Variants in PEPD observed in about 807,000 individuals in gnomAD.
PEPD encodes xaa-Pro dipeptidase.
In PEPD, 53 loss-of-function variants were observed where a neutral mutation model predicts 60.7. That is an observed-to-expected ratio of 0.87 (90% confidence interval 0.70 to 1.10). The LOEUF (loss-of-function observed/expected upper bound fraction) is 1.10. PEPD is among the 50% of genes least tolerant of loss of function. The pLI is 0.00. For synonymous variants in PEPD, 267 were observed against 284.1 expected (o/e 0.94, Z 0.60); for missense variants, 711 against 711.9 (o/e 1.00, Z 0.01).
intron 9 of PEPD, among the ~76,000 whole-genome samples, chr19:33,415,146 G>A (rs759252399): frequency 3.9e-5 from 6 of 152,256 alleles, no homozygotes; most frequent in East Asian, 3.9e-4. Flanking sequence ...CCTGACCCAC[G>A]CCGTGGAACA....
chr19:33,512,601 A>C lies in PEPD; in HGVS notation c.193T>G (p.Phe65Val). The C allele has an allele frequency of 6.2e-7, 1 of 1,613,704 alleles. No individual in the cohort carries two copies. The highest frequency in any genetic ancestry group is 8.5e-7 in the Non-Finnish European group (1 of 1,179,924). The change falls in exon 2 of 15, where the codon TTC becomes GTC. Residue 65 changes from phenylalanine (F) to valine (V), a missense_variant. Phe to Val is a conservative substitution (Grantham distance 50, BLOSUM62 -1). Transcript: ENST00000244137. ...QRYCTDTGVL[F>V]RQESFFHWAF... ...CAAGCGGGGAGGCTCACCTGGCGGA[A>C]GAGGACCCCGGTGTCGGTGCAGTAG...
chr19:33,413,747 C>T (rs1221751465), intron 9 of PEPD, 104 bp from the exon 10 acceptor site: 4 of 721,156 alleles, frequency 5.5e-6, no homozygotes, highest in Non-Finnish European at 7.4e-6. Flanking sequence ...ATGGTCTCCC[C>T]TGCCGTGGCC....
intron 9 of PEPD, among the ~76,000 whole-genome samples, chr19:33,441,974 C>T (rs1221116092): frequency 1.3e-5 from 2 of 152,236 alleles, no homozygotes; most frequent in Non-Finnish European, 2.9e-5. Flanking sequence ...GCAGAGATCA[C>T]CATGGAAAAG....
chr19:33,441,711 G>A (rs1247023494), intron 9 of PEPD, among the ~76,000 whole-genome samples: 1 of 152,216 alleles, frequency 6.6e-6, no homozygotes, highest in Admixed American at 6.5e-5. Flanking sequence ...TTGACCCAGA[G>A]GTGGCTGGGG....
chr19:33,510,326 G>A (rs1339819552), intron 3 of PEPD, among the ~76,000 whole-genome samples: 2 of 151,990 alleles, frequency 1.3e-5, no homozygotes, highest in Non-Finnish European at 2.9e-5. Flanking sequence ...GGAGAAGACA[G>A]AAGGAAGAAG....
At chr19:33,508,672 A>T (rs552795639) in intron 3 of PEPD, among the ~76,000 whole-genome samples, 2 of 152,316 alleles carry the variant, frequency 1.3e-5, no homozygotes, top group East Asian at 3.9e-4. Flanking sequence ...TCCCAGGGCA[A>T]GTACCCCATG....
In PEPD at chr19:33,402,284, C is replaced by A. The variant is rs114889175; in HGVS notation, c.819-415G>T. ...GCCTGGCCTCCACCCGGCACCCCAACAGGCTCTCCCAGGTCTCCCTGCACC... is the reference window on the plus strand; with the variant it reads ...GCCTGGCCTCCACCCGGCACCCCAAAAGGCTCTCCCAGGTCTCCCTGCACC... On this transcript the variant is annotated intron_variant, in intron 11 of 14. Transcript: ENST00000244137. Among the ~76,000 whole-genome samples the A allele has an allele frequency of 8.3e-3, 1,262 of 152,336 alleles. 19 individuals are homozygous for A. The highest frequency in any genetic ancestry group is 0.029 in the African/African-American group (1,214 of 41,592).
chr19:33,434,379 G>A (rs1969335170), intron 9 of PEPD, among the ~76,000 whole-genome samples: 1 of 152,162 alleles, frequency 6.6e-6, no homozygotes, highest in Non-Finnish European at 1.5e-5. Context: ...GACGCTGCCA[G>A]CTGTGTAACG....
In PEPD at chr19:33,391,988, A is replaced by T. The variant is rs1968233998; in HGVS notation, c.968-509T>A. The stretch of plus-strand genomic sequence containing the variant: ...GTGCAGTGGGGAAGCCCGAGGCTGA[A>T]AAGAGGGGTCCCTGCACATCCCAGA... On this transcript the variant is annotated intron_variant, in intron 12 of 14. Transcript: ENST00000244137. Among the ~76,000 whole-genome samples the T allele has an allele frequency of 2.0e-5, 3 of 152,314 alleles. No homozygotes were observed. The South Asian group carries it at 6.2e-4, about 32-fold the overall frequency.
At chr19:33,438,958 G>C (rs1481513162) in intron 9 of PEPD, among the ~76,000 whole-genome samples, 3 of 152,224 alleles carry the variant, frequency 2.0e-5, no homozygotes, top group Non-Finnish European at 4.4e-5. Context: ...AAGCTCAAGT[G>C]ATCCACCTGC....
Position 33,500,978 on chromosome 19 carries a change from T to C in PEPD, c.353A>G (p.Lys118Arg). 3.1e-6 allele frequency: 5 copies of C among 1,603,716 alleles called. No individual in the cohort carries two copies. The highest frequency in any genetic ancestry group is 4.3e-6 in the Non-Finnish European group (5 of 1,170,608). The change falls in exon 4 of 15, where the codon AAG (lysine) becomes AGG (arginine). Residue 118 changes from lysine (K) to arginine (R), a missense_variant. By Grantham distance (26) the Lys-to-Arg change is conservative. Transcript: ENST00000244137. ...MGKIHSKEHF[K>R]EKYAVDDVQY... Reference sequence around the variant, plus strand: ...GACGTCGTCCACGGCATACTTCTCCTTGAAGTGCTCCTTGGAATGGATCCT... The same window carrying C: ...GACGTCGTCCACGGCATACTTCTCCCTGAAGTGCTCCTTGGAATGGATCCT...
At chr19:33,507,176 G>A (rs548091890) in intron 3 of PEPD, among the ~76,000 whole-genome samples, 1 of 152,250 alleles carries the variant, frequency 6.6e-6, no homozygotes, top group East Asian at 1.9e-4. Context: ...CAGAGCCGGG[G>A]ACGGAATGCG....
chr19:33,392,583 G>A (rs1238819442), intron 12 of PEPD, among the ~76,000 whole-genome samples: 2 of 152,212 alleles, frequency 1.3e-5, no homozygotes, highest in Non-Finnish European at 2.9e-5. Flanking sequence ...CTCACTGGCT[G>A]GAGAGGGCGC....
chr19:33,495,429 C>T (rs955606144), intron 4 of PEPD, among the ~76,000 whole-genome samples: 9 of 150,034 alleles, frequency 6.0e-5, no homozygotes, highest in East Asian at 2.0e-4. Context: ...ACCCAGGAGG[C>T]GGCAGCTGCA....
intron 6 of PEPD, among the ~76,000 whole-genome samples, chr19:33,481,473 G>A (rs1285057775): frequency 6.6e-6 from 1 of 152,086 alleles, no homozygotes; most frequent in East Asian, 1.9e-4. Flanking sequence ...GGCTGAGGCA[G>A]GAGAATTGCT....
chr19:33,411,525 A>G (rs1362372383), intron 11 of PEPD, 147 bp downstream of exon 11: 1 of 688,580 alleles, frequency 1.5e-6, no homozygotes, highest in Non-Finnish European at 2.7e-6. Context: ...TAGCCTTGGC[A>G]GAGAAGTCTG....
At chr19:33,390,346 G>C (rs1968186063) in intron 13 of PEPD, among the ~76,000 whole-genome samples, 2 of 152,224 alleles carry the variant, frequency 1.3e-5, no homozygotes, top group African/African-American at 4.8e-5. Flanking sequence ...TAGACATTAG[G>C]AAATTAAAAC....
chr19:33,388,352 C>G, intron 13 of PEPD: 3 of 625,882 alleles, frequency 4.8e-6, no homozygotes, highest in Admixed American at 2.3e-5. Context: ...TGCACACACC[C>G]GGGGCAAGCT....
At chr19:33,416,161 C>T (rs1365320596) in intron 9 of PEPD, among the ~76,000 whole-genome samples, 1 of 152,200 alleles carries the variant, frequency 6.6e-6, no homozygotes, top group Non-Finnish European at 1.5e-5. Flanking sequence ...GCGGACGCAA[C>T]GTGTGCCCCC....
Sources: allele counts gnomAD v4.1 joint callset (sites outside exome capture counted in the v4.1 genomes callset), GRCh38; gene constraint gnomAD v4.1.1; transcripts MANE v1.5; gene names NCBI Gene and HGNC (gene_info 2026-07-23, HGNC 2026-07-21).